MAST4: variants seen among roughly 807,000 people sequenced by gnomAD.
The protein encoded by MAST4 is microtubule associated serine/threonine kinase family member 4, also known as microtubule-associated serine/threonine-protein kinase 4.
MAST4 carries 89 observed loss-of-function variants against 162.7 expected under a neutral mutation model. The observed-to-expected ratio is 0.55, with a 90% CI of 0.46 to 0.65. The LOEUF is 0.65. Ranked by LOEUF, MAST4 falls within the 30% of genes least tolerant of loss-of-function variation. The pLI is 0.00. For missense variants in MAST4, 3,153 were observed against 3,374.0 expected, an observed-to-expected ratio of 0.93 and a Z score of 1.62; for synonymous variants, 1,479 against 1,361.1, an observed-to-expected ratio of 1.09 and a Z score of -1.91.
intron 1 of MAST4, among the ~76,000 whole-genome samples, chr5:66,668,310 G>A (rs1295447387): frequency 6.6e-6 from 1 of 152,156 alleles, no homozygotes; most frequent in Admixed American, 6.5e-5. Flanking sequence ...CTGAGTGTTA[G>A]TATCTCCTTT....
chr5:67,112,046 G>GT lies in MAST4; in HGVS notation c.1458+1860dup, dbSNP rs200285215. 3.3e-3 allele frequency among the ~76,000 whole-genome samples: 471 copies of GT among 144,780 alleles called. 1 individual carries two copies. The highest frequency in any genetic ancestry group is 2.8e-3 in the Admixed American group (40 of 14,446). 95.0% of individuals were successfully genotyped at this position (144,780 alleles called of 152,430 possible). On this transcript the variant is annotated intron_variant, in intron 11 of 28. Coordinates refer to ENST00000403625, the MANE Select transcript of MAST4 (RefSeq NM_001164664.2). ...TTTGACTTTACTCCACTTGCAGCAA[G>GT]TTTTTTTTTTTTTCTTTCTATATGG... is the stretch of plus-strand genomic sequence containing the variant.
chr5:66,802,489 C>A (rs554091275), intron 3 of MAST4, among the ~76,000 whole-genome samples: 2 of 152,096 alleles, frequency 1.3e-5, no homozygotes, highest in African/African-American at 4.8e-5. Context: ...GCATTTCTAT[C>A]GTTGACTTTA....
At chr5:66,742,138 C>A (rs1007122567) in intron 1 of MAST4, among the ~76,000 whole-genome samples, 5 of 152,168 alleles carry the variant, frequency 3.3e-5, no homozygotes, top group African/African-American at 4.8e-5. Flanking sequence ...AGCTGGTCTA[C>A]CAGTGAGGTG....
chr5:66,727,927 C>T (rs1053277282), intron 1 of MAST4, among the ~76,000 whole-genome samples: 1 of 152,108 alleles, frequency 6.6e-6, no homozygotes, highest in East Asian at 1.9e-4. Flanking sequence ...TGGAAAGCCC[C>T]CTGCAGCTGT....
intron 1 of MAST4, among the ~76,000 whole-genome samples, chr5:66,712,971 G>A (rs1057034289): frequency 2.6e-5 from 4 of 152,198 alleles, no homozygotes; most frequent in Non-Finnish European, 5.9e-5. Flanking sequence ...TGAGAACAGT[G>A]TCAGTGGGAT....
intron 9 of MAST4, 114 bp from the exon 10 acceptor site, chr5:67,104,252 C>T (rs369901846): frequency 1.3e-6 from 1 of 765,838 alleles, no homozygotes; most frequent in South Asian, 1.6e-5. Flanking sequence ...TTTCTAGAAT[C>T]CCATTTAACA....
chr5:66,711,874 C>A (rs2149524966), intron 1 of MAST4, among the ~76,000 whole-genome samples: 1 of 152,148 alleles, frequency 6.6e-6, no homozygotes, highest in South Asian at 2.1e-4. Context: ...ATATTCAGGG[C>A]CTGCCTGGAT....
intron 4 of MAST4, among the ~76,000 whole-genome samples, chr5:66,992,278 T>G (rs1750147766): frequency 6.6e-6 from 1 of 152,204 alleles, no homozygotes; most frequent in Non-Finnish European, 1.5e-5. Context: ...CATCTACTCT[T>G]GATAACTATG....
intron 4 of MAST4, among the ~76,000 whole-genome samples, chr5:66,997,972 G>A (rs1351115306): frequency 6.6e-6 from 1 of 152,208 alleles, no homozygotes; most frequent in Non-Finnish European, 1.5e-5. Flanking sequence ...ACAGAAGCAT[G>A]TGATTTCTAC....
intron 1 of MAST4, among the ~76,000 whole-genome samples, chr5:66,646,720 T>C (rs10055705): frequency 0.54 from 82,274 of 151,954 alleles, 22,479 homozygotes; most frequent in South Asian, 0.67. Context: ...TGGATGATGT[T>C]GGATGTGTCA....
At chr5:67,093,578 A>G (rs1018991622) in intron 6 of MAST4, 3 of 446,866 alleles carry the variant, frequency 6.7e-6, no homozygotes, top group South Asian at 3.2e-5. Context: ...CTGGCTGTAC[A>G]GAGTACTGAG....
intron 2 of MAST4, among the ~76,000 whole-genome samples, chr5:66,761,209 G>A (rs1037110975): frequency 2.6e-5 from 4 of 152,138 alleles, no homozygotes; most frequent in Non-Finnish European, 5.9e-5. Flanking sequence ...ACAATTATTT[G>A]TGTCTCGTGA....
chr5:66,839,579 G>A (rs1758272451), intron 3 of MAST4, among the ~76,000 whole-genome samples: 1 of 152,090 alleles, frequency 6.6e-6, no homozygotes, highest in African/African-American at 2.4e-5. Flanking sequence ...CAGCTTTGAA[G>A]ATGTGTAGGT....
chr5:66,635,584 CTG>C (rs1275342140), intron 1 of MAST4, among the ~76,000 whole-genome samples: 2 of 152,186 alleles, frequency 1.3e-5, no homozygotes, highest in Non-Finnish European at 2.9e-5. Flanking sequence ...TCAAAACAAA[CTG>C]TGTTTGTTGA....
chr5:67,070,990 C>G (rs933649246), intron 5 of MAST4, among the ~76,000 whole-genome samples: 7 of 152,160 alleles, frequency 4.6e-5, no homozygotes, highest in African/African-American at 1.7e-4. Context: ...CTATACTTTC[C>G]AGTATTAAAC....
At position 67,145,217 on chromosome 5, in the gene MAST4, A is replaced by G; in HGVS notation, c.2932A>G (p.Lys978Glu). 6.2e-7 allele frequency: 1 copy of G among 1,613,636 alleles called. No homozygotes were observed. The stretch of plus-strand genomic sequence containing the variant: ...TAAACTCAGTTCTGGCCTACTTCCC[A>G]AACTGGCTATTTCAACAGAGGGAGA... ...RHKLSSGLLP[K>E]LAISTEGEQD... The change falls in exon 23 of 29, where the codon AAA becomes GAA. Residue 978 changes from lysine (K) to glutamate (E), a missense_variant. Transcript: ENST00000403625.
chr5:66,661,565 G>A (rs1746912246), intron 1 of MAST4, among the ~76,000 whole-genome samples: 1 of 152,172 alleles, frequency 6.6e-6, no homozygotes, highest in Admixed American at 6.6e-5. Flanking sequence ...GAAAGAAAAG[G>A]AGGATATTTG....
At chr5:66,647,932 T>C (rs1371952822) in intron 1 of MAST4, among the ~76,000 whole-genome samples, 1 of 152,120 alleles carries the variant, frequency 6.6e-6, no homozygotes, top group African/African-American at 2.4e-5. Flanking sequence ...ATCTGTACCT[T>C]AATTACTTCT....
intron 4 of MAST4, among the ~76,000 whole-genome samples, chr5:66,907,663 C>G (rs986694084): frequency 4.0e-5 from 6 of 148,712 alleles, no homozygotes; most frequent in Non-Finnish European, 7.4e-5. Flanking sequence ...GACTTAGGTT[C>G]AGGCCTGTTA....
Sources: allele counts gnomAD v4.1 joint callset (sites outside exome capture counted in the v4.1 genomes callset), GRCh38; gene constraint gnomAD v4.1.1; transcripts MANE v1.5; gene names NCBI Gene and HGNC (gene_info 2026-07-23, HGNC 2026-07-21).